The following WDFY3 variants were observed in gnomAD, a reference collection of about 807,000 sequenced individuals.
WDFY3 encodes the protein WD repeat and FYVE domain containing 3, also known as WD repeat and FYVE domain-containing protein 3.
In WDFY3, 66 loss-of-function variants were observed where a neutral mutation model predicts 409.6. The observed-to-expected ratio is 0.16, with a 90% confidence interval of 0.13 to 0.20. The LOEUF is 0.20. WDFY3 is among the 10% of genes least tolerant of loss of function. WDFY3 has a pLI of 1.00. For synonymous variants in WDFY3, 1,521 were observed against 1,537.1 expected, an observed-to-expected ratio of 0.99 and a Z score of 0.25; for missense variants, 3,031 against 4,298.1, an observed-to-expected ratio of 0.71 and a Z score of 8.24.
chr4:84,815,704 A>G (rs1753195547), intron 13 of WDFY3, among the ~76,000 whole-genome samples: 1 of 152,148 alleles, frequency 6.6e-6, no homozygotes, highest in Non-Finnish European at 1.5e-5. Context: ...TACAAAAATG[A>G]GCTGAATTTT....
intron 56 of WDFY3, among the ~76,000 whole-genome samples, chr4:84,701,810 T>C (rs1367689363): frequency 6.6e-6 from 1 of 152,228 alleles, no homozygotes; most frequent in East Asian, 1.9e-4. Context: ...TTAAAGTTAT[T>C]CTGAAGTTCT....
At chr4:84,755,472 G>C (rs904324667) in intron 33 of WDFY3, 72 bp from the exon 34 acceptor site, 94 of 1,517,350 alleles carry the variant, frequency 6.2e-5, no homozygotes, top group Non-Finnish European at 7.2e-5. Context: ...AGTTCTAATA[G>C]GCTAAAATTT....
intron 23 of WDFY3, among the ~76,000 whole-genome samples, chr4:84,786,583 C>T (rs1450201008): frequency 3.3e-5 from 5 of 152,154 alleles, no homozygotes; most frequent in African/African-American, 4.8e-5. Flanking sequence ...TTAATAAAGG[C>T]ATGTGTTTTA....
Position 84,794,979 on chromosome 4 carries a change from T to A in WDFY3, c.3168A>T (p.Gly1056=), listed in dbSNP as rs775747942. ...GGGCCAAACTGGGCAAAAAAAGACA[T>A]CTATTAAAGAAAAGACAACATACAT... ...VEFDTSLEGF[G]CLFLPSLAPH... The change falls in exon 20 of 68, where the codon GGA becomes GGT. Residue 1056 remains glycine (G), a splice_region_variant and synonymous_variant. Coordinates refer to ENST00000295888, the MANE Select transcript of WDFY3 (RefSeq NM_014991.6). 2 of 1,543,472 alleles carry A rather than the reference T, an allele frequency of 1.3e-6. No individual in the cohort carries two copies. Among genetic ancestry groups the A allele is most frequent in the Non-Finnish European group, 1.7e-6 (2 of 1,151,556 alleles).
intron 7 of WDFY3, among the ~76,000 whole-genome samples, chr4:84,836,280 GTTTT>G (rs1035780816): frequency 2.0e-5 from 3 of 151,804 alleles, no homozygotes; most frequent in African/African-American, 7.3e-5. Flanking sequence ...GTCAAATGTT[GTTTT>G]TTTAATACTG....
chr4:84,925,717 T>C (rs989449270), intron 2 of WDFY3, among the ~76,000 whole-genome samples: 1 of 152,172 alleles, frequency 6.6e-6, no homozygotes, highest in African/African-American at 2.4e-5. Flanking sequence ...ACAGTGGTCA[T>C]GTAAACAACG....
chr4:84,696,224 T>C, intron 57 of WDFY3, 42 bp from the exon 58 acceptor site: 1 of 1,591,672 alleles, frequency 6.3e-7, no homozygotes, highest in Non-Finnish European at 8.6e-7. Context: ...CTGACTTCTA[T>C]TACTTGCTCA....
intron 47 of WDFY3, among the ~76,000 whole-genome samples, chr4:84,720,519 C>T (rs892389261): frequency 1.3e-5 from 2 of 152,082 alleles, no homozygotes; most frequent in Non-Finnish European, 2.9e-5. Flanking sequence ...TGGGAGGTGT[C>T]TGGGTCATGG....
chr4:84,760,079 T>C (rs1379593255), intron 32 of WDFY3, among the ~76,000 whole-genome samples: 1 of 151,442 alleles, frequency 6.6e-6, no homozygotes, highest in Non-Finnish European at 1.5e-5. Context: ...TTTTTGTCTT[T>C]GGTTCTGTTT....
At chr4:84,905,922 A>C (rs1766985016) in intron 2 of WDFY3, among the ~76,000 whole-genome samples, 1 of 152,174 alleles carries the variant, frequency 6.6e-6, no homozygotes, top group South Asian at 2.1e-4. Flanking sequence ...TCTCTTGACA[A>C]GCCTTTTCTG....
chr4:84,836,827 T>C (rs973727116), intron 7 of WDFY3, 102 bp downstream of exon 7: 40 of 1,051,228 alleles, frequency 3.8e-5, no homozygotes, highest in Middle Eastern at 5.6e-4. Context: ...ATAAATAAAA[T>C]GAAATATGAG....
At position 84,688,232 on chromosome 4, in the gene WDFY3, C is replaced by A; in HGVS notation, c.9397G>T (p.Ala3133Ser). Residue 3133 changes from alanine (A) to serine (S), a missense_variant, in exon 62 of 68, where the codon GCC (alanine) becomes TCC (serine). Transcript: ENST00000295888. ...LLGHTDTVTC[A>S]TASLAYHIIV... ...ATGTGATAGGCTAATGATGCTGTGGCGCAGGTGACGGTATCAGTGTGGCCC... is the reference window on the plus strand; with the variant it reads ...ATGTGATAGGCTAATGATGCTGTGGAGCAGGTGACGGTATCAGTGTGGCCC... 6.2e-7 allele frequency: 1 copy of A among 1,614,030 alleles called. No homozygotes were observed. The highest frequency in any genetic ancestry group is 8.5e-7 in the Non-Finnish European group (1 of 1,179,966).
chr4:84,915,537 A>G (rs763050014), intron 2 of WDFY3, among the ~76,000 whole-genome samples: 1 of 152,186 alleles, frequency 6.6e-6, no homozygotes, highest in Non-Finnish European at 1.5e-5. Context: ...ATGAACCCCA[A>G]AGGATTTGTT....
At chr4:84,764,589 C>A (rs1476312077) in intron 32 of WDFY3, among the ~76,000 whole-genome samples, 3 of 152,050 alleles carry the variant, frequency 2.0e-5, no homozygotes, top group Non-Finnish European at 4.4e-5. Flanking sequence ...TGGCTGGGTG[C>A]AGTGGCTCAC....
At chr4:84,899,503 C>G (rs1766069451) in intron 2 of WDFY3, among the ~76,000 whole-genome samples, 1 of 152,062 alleles carries the variant, frequency 6.6e-6, no homozygotes, top group Non-Finnish European at 1.5e-5. Context: ...AATTGCAATC[C>G]CATTCCTAAG....
chr4:84,895,512 T>G (rs1765516985), intron 3 of WDFY3, among the ~76,000 whole-genome samples: 3 of 152,066 alleles, frequency 2.0e-5, no homozygotes, highest in Admixed American at 6.6e-5. Context: ...TTCTGCATAG[T>G]TGGAACAAAG....
intron 48 of WDFY3, among the ~76,000 whole-genome samples, chr4:84,717,651 C>T (rs575230904): frequency 1.3e-5 from 2 of 152,290 alleles, no homozygotes; most frequent in South Asian, 4.1e-4. Context: ...CTACCACTTT[C>T]ATCACAGGAC....
intron 13 of WDFY3, among the ~76,000 whole-genome samples, chr4:84,817,007 C>T (rs1753396159): frequency 6.6e-6 from 1 of 152,116 alleles, no homozygotes; most frequent in Non-Finnish European, 1.5e-5. Flanking sequence ...CCATTACTTA[C>T]ATACATACAT....
intron 32 of WDFY3, among the ~76,000 whole-genome samples, chr4:84,758,614 A>G (rs1030567220): frequency 2.6e-4 from 39 of 152,304 alleles, no homozygotes; most frequent in African/African-American, 9.1e-4. Flanking sequence ...TACAACTGCT[A>G]TTTTATATAA....
Sources: gnomAD v4.1 joint callset for allele counts (sites outside exome capture counted in the v4.1 genomes callset) on GRCh38, gnomAD v4.1.1 for gene constraint, MANE v1.5 for transcripts, NCBI Gene and HGNC (gene_info 2026-07-23, HGNC 2026-07-21) for gene names.